Variants in PATJ observed in about 807,000 individuals in gnomAD.
PATJ encodes the protein PATJ crumbs cell polarity complex component.
A neutral mutation model predicts 224.9 loss-of-function variants in PATJ; 190 were observed. The observed-to-expected ratio is 0.84, with a 90% CI of 0.75 to 0.95. The LOEUF (loss-of-function observed/expected upper bound fraction) is 0.95, where lower values mean the gene tolerates loss of function less well. PATJ is among the 40% of genes least tolerant of loss of function. PATJ has a pLI of 0.00. For missense variants in PATJ, 2,121 were observed against 2,270.3 expected, an observed-to-expected ratio of 0.93 and a Z score of 1.34; for synonymous variants, 769 against 820.3, an observed-to-expected ratio of 0.94 and a Z score of 1.07.
chr1:61,969,753 G>A (rs1402461638), intron 27 of PATJ, among the ~76,000 whole-genome samples: 2 of 152,094 alleles, frequency 1.3e-5, no homozygotes, highest in African/African-American at 4.8e-5. Context: ...GAGTGCAGTG[G>A]TGTGATCTCA....
At chr1:61,818,329 C>T (rs1656573239) in intron 14 of PATJ, among the ~76,000 whole-genome samples, 1 of 152,092 alleles carries the variant, frequency 6.6e-6, no homozygotes, top group Admixed American at 6.6e-5. Flanking sequence ...TAAATAGAAC[C>T]CCTCACAAAA....
rs192305443 is a variant in PATJ at position 62,090,348 on chromosome 1, C to A, written c.4377+5700C>A. ...CTCAAAGGCTGCCCTTTGCTTAGTG[C>A]TAAGGATACAAGATTGAGTGAGATA... is the stretch of plus-strand genomic sequence containing the variant. On this transcript the variant is annotated intron_variant, in intron 33 of 43. Transcript: ENST00000642238. Among the ~76,000 whole-genome samples, 6 of 152,204 alleles carry A rather than the reference C, an allele frequency of 3.9e-5. No individual in the cohort carries two copies. The East Asian group carries it at 9.7e-4, about 25-fold the overall frequency.
chr1:61,959,687 C>T (rs1680993780), intron 27 of PATJ, among the ~76,000 whole-genome samples: 1 of 151,942 alleles, frequency 6.6e-6, no homozygotes, highest in Non-Finnish European at 1.5e-5. Context: ...AGCAATCTTC[C>T]CACCTTGATC....
At chr1:61,892,118 T>C (rs1417561873) in intron 22 of PATJ, among the ~76,000 whole-genome samples, 1 of 152,216 alleles carries the variant, frequency 6.6e-6, no homozygotes, top group Non-Finnish European at 1.5e-5. Flanking sequence ...GCAGAACATC[T>C]GTACAAATAA....
intron 26 of PATJ, among the ~76,000 whole-genome samples, chr1:61,919,371 G>A (rs1331386776): frequency 1.3e-5 from 2 of 150,836 alleles, no homozygotes; most frequent in Admixed American, 6.6e-5. Context: ...GGAGTGCAGT[G>A]GGGCAATCAT....
chr1:62,106,079 T>TATATACAC (rs1313613418), intron 33 of PATJ, among the ~76,000 whole-genome samples: 13 of 20,764 alleles, frequency 6.3e-4, no homozygotes, highest in Non-Finnish European at 1.1e-3. Context: ...TATATATATA[T>TATATACAC]ACACACACAC....
rs543718954 is a variant in PATJ at position 62,070,306 on chromosome 1, C to A, written c.4126-9144C>A. ...TTATTGACCTTTTCACGTCTTTTTT[C>A]TCTCTTTTCAAGTGTGATCCTTTAA... On this transcript the variant is annotated intron_variant, in intron 31 of 43. Coordinates refer to ENST00000642238, the MANE Select transcript of PATJ (RefSeq NM_001350145.3). Among the ~76,000 whole-genome samples, 3 of 152,234 alleles carry A rather than the reference C, an allele frequency of 2.0e-5. No individual in the cohort carries two copies. The South Asian group carries it at 6.2e-4, about 32-fold the overall frequency.
At chr1:62,091,822 G>T (rs1349381108) in intron 33 of PATJ, among the ~76,000 whole-genome samples, 1 of 152,106 alleles carries the variant, frequency 6.6e-6, no homozygotes, top group South Asian at 2.1e-4. Context: ...TTGGGAGGCC[G>T]AGGTGGGCGG....
intron 27 of PATJ, among the ~76,000 whole-genome samples, chr1:61,965,112 ACT>A (rs1681904069): frequency 8.9e-6 from 1 of 112,764 alleles, no homozygotes; most frequent in Admixed American, 1.0e-4. Context: ...ACTGAAGGAG[ACT>A]CTGTCTCAAA....
intron 14 of PATJ, among the ~76,000 whole-genome samples, chr1:61,815,121 G>T (rs1028962043): frequency 2.6e-5 from 4 of 152,206 alleles, no homozygotes; most frequent in African/African-American, 9.6e-5. Context: ...CTGGGGTGGG[G>T]GACACTTCAG....
intron 28 of PATJ, among the ~76,000 whole-genome samples, chr1:61,996,174 G>A (rs181593856): frequency 1.9e-4 from 29 of 152,260 alleles, no homozygotes; most frequent in African/African-American, 6.3e-4. Flanking sequence ...GCATGAATGT[G>A]TCCCATATTT....
At chr1:61,853,142 T>C (rs1258251858) in intron 17 of PATJ, among the ~76,000 whole-genome samples, 1 of 152,196 alleles carries the variant, frequency 6.6e-6, no homozygotes, top group Non-Finnish European at 1.5e-5. Context: ...TGTCACTAGT[T>C]TGAGGTCTAA....
intron 31 of PATJ, among the ~76,000 whole-genome samples, chr1:62,060,439 T>C (rs943393465): frequency 6.6e-6 from 1 of 152,094 alleles, no homozygotes; most frequent in Non-Finnish European, 1.5e-5. Flanking sequence ...CAAACATAGC[T>C]TCATTGCAAC....
intron 11 of PATJ, among the ~76,000 whole-genome samples, chr1:61,800,317 A>G (rs1252817665): frequency 6.6e-6 from 1 of 152,106 alleles, no homozygotes; most frequent in Non-Finnish European, 1.5e-5. Context: ...ATGGTATCTC[A>G]TTGTGGTTTG....
At chr1:62,126,103 C>T (rs1227336338) in intron 39 of PATJ, among the ~76,000 whole-genome samples, 1 of 152,198 alleles carries the variant, frequency 6.6e-6, no homozygotes, top group Non-Finnish European at 1.5e-5. Context: ...TTGGGTCTGT[C>T]TCACACATAA....
chr1:62,076,464 T>G (rs1350674774), intron 31 of PATJ, among the ~76,000 whole-genome samples: 1 of 152,196 alleles, frequency 6.6e-6, no homozygotes, highest in Non-Finnish European at 1.5e-5. Context: ...CTGATCTTTC[T>G]TACACAGTAG....
intron 27 of PATJ, among the ~76,000 whole-genome samples, chr1:61,937,236 C>A (rs1386744254): frequency 1.6e-5 from 2 of 122,524 alleles, no homozygotes; most frequent in Non-Finnish European, 4.0e-5. Context: ...CCCATAGTTT[C>A]TTTCTTTTTT....
At chr1:62,155,801 T>C (rs1244156606) in intron 43 of PATJ, among the ~76,000 whole-genome samples, 1 of 151,606 alleles carries the variant, frequency 6.6e-6, no homozygotes, top group Admixed American at 6.6e-5. Context: ...CTCATGCCTG[T>C]AATCCCAGCA....
Position 61,886,819 on chromosome 1 carries a change from C to CAAAAAAAAAAAAAAAAAAAAAAAAA in PATJ, c.3131+2423_3131+2424insAAAAAAAAAAAAAAAAAAAAAAAAA, listed in dbSNP as rs35950461. ...TGGGCAACAGAGCAAGACCCCATCT[C>CAAAAAAAAAAAAAAAAAAAAAAAAA]AAAAAAAAAAAATTAGCCTGTTGTG... On this transcript the variant is annotated intron_variant, in intron 22 of 43. Transcript: ENST00000642238. Among the ~76,000 whole-genome samples, 157 of 87,480 alleles carry CAAAAAAAAAAAAAAAAAAAAAAAAA rather than the reference C, an allele frequency of 1.8e-3. 43 individuals carry two copies. The highest frequency in any genetic ancestry group is 0.01 in the Middle Eastern group (2 of 194). The allele number at this position is 87,480 out of a possible 152,430, so 57.4% of individuals were successfully genotyped here.
Sources: allele counts gnomAD v4.1 joint callset (sites outside exome capture counted in the v4.1 genomes callset), GRCh38; gene constraint gnomAD v4.1.1; transcripts MANE v1.5; gene names NCBI Gene and HGNC (gene_info 2026-07-23, HGNC 2026-07-21).